Variants in SEH1L observed in about 807,000 individuals in gnomAD.
The protein encoded by SEH1L is SEH1 like nucleoporin.
Under a neutral mutation model 49.5 loss-of-function variants are expected in SEH1L, and 18 were observed. The observed-to-expected ratio is 0.36, with a 90% CI of 0.25 to 0.54. The LOEUF (loss-of-function observed/expected upper bound fraction) is 0.54. SEH1L is among the 20% of genes least tolerant of loss of function. The pLI, the probability that SEH1L is intolerant of heterozygous loss-of-function variation, is 0.87. For synonymous variants in SEH1L, 169 were observed against 178.1 expected (o/e 0.95, Z 0.41); for missense variants, 404 against 528.8 (o/e 0.76, Z 2.31).
rs982459866 is a variant in SEH1L, at chr18:12,984,168, T to C, written c.1048T>C (p.Leu350=). Residue 350 remains leucine (L), a synonymous_variant, in exon 8 of 9, where the codon TTA becomes CTA. Transcript: ENST00000399892. ...GSTIPSLQNS[L]NGSSAGRYFF... ...AACTATTCCAAGTCTTCAGAATTCA[T>C]TAAATGGATCTTCTGCTGGCAGGTA... 1 of 1,613,902 alleles carries C rather than the reference T, an allele frequency of 6.2e-7. No homozygotes were observed. Among genetic ancestry groups the C allele is most frequent in the Middle Eastern group, 1.6e-4 (1 of 6,062 alleles).
chr18:12,976,996 T>C (rs945139885), intron 5 of SEH1L: 1 of 151,814 alleles, frequency 6.6e-6, no homozygotes, highest in African/African-American at 2.4e-5. Context: ...AAAAAGCATA[T>C]TCTGATTGTG....
intron 3 of SEH1L, among the ~76,000 whole-genome samples, chr18:12,961,787 C>G (rs114151153): frequency 1.0e-3 from 156 of 152,180 alleles, no homozygotes; most frequent in African/African-American, 3.5e-3. Context: ...CTGCCTTAGC[C>G]TCTCTAGTAG....
At chr18:12,971,070 C>T in intron 4 of SEH1L, 83 bp from the exon 5 acceptor site, 1 of 934,150 alleles carries the variant, frequency 1.1e-6, no homozygotes, top group Non-Finnish European at 1.7e-6. Flanking sequence ...AGCTGGTTGT[C>T]TGCTTGCCTC....
chr18:12,949,584 C>T (rs988088535), intron 1 of SEH1L, among the ~76,000 whole-genome samples: 4 of 150,542 alleles, frequency 2.7e-5, no homozygotes, highest in Admixed American at 6.7e-5. Context: ...TCCCAAGTAG[C>T]TGGGACTACA....
intron 6 of SEH1L, among the ~76,000 whole-genome samples, chr18:12,980,377 C>T (rs1255723574): frequency 7.0e-5 from 8 of 113,798 alleles, no homozygotes; most frequent in Admixed American, 1.6e-4. Context: ...GGGGCTGACC[C>T]CCCCACCTCC....
chr18:12,982,398 T>C, intron 6 of SEH1L, 120 bp from the exon 7 acceptor site: 3 of 654,730 alleles, frequency 4.6e-6, no homozygotes, highest in Non-Finnish European at 7.5e-6. Context: ...TAAAGTGATG[T>C]GGTGGCGAGA....
In SEH1L at chr18:12,955,530, G is replaced by C. The variant is rs1192797989; in HGVS notation, c.230G>C (p.Cys77Ser). ...GAATTTGGGCAGGTTTTGGCTTCCT[G>C]TTCTTTTGACCGAACAGCTGCTGTA... ...HPEFGQVLAS[C>S]SFDRTAAVWE... is the part of the protein sequence containing the mutation. Residue 77 changes from cysteine to serine, a missense_variant, in exon 3 of 9, where the codon TGT becomes TCT. Transcript: ENST00000399892. The C allele has an allele frequency of 1.9e-6, 3 of 1,613,518 alleles. No individual in the cohort carries two copies. Among genetic ancestry groups the C allele is most frequent in the East Asian group, 4.5e-5 (2 of 44,870 alleles).
At chr18:12,956,454 CA>C (rs10541594) in intron 3 of SEH1L, among the ~76,000 whole-genome samples, 82,206 of 138,028 alleles carry the variant, frequency 0.6, 23,734 homozygotes, top group Middle Eastern at 0.71. Context: ...TCTGGGGAAT[CA>C]AAAAAAAAAA....
intron 4 of SEH1L, among the ~76,000 whole-genome samples, chr18:12,963,719 G>C (rs1042847831): frequency 2.6e-5 from 4 of 152,226 alleles, no homozygotes; most frequent in Non-Finnish European, 5.9e-5. Flanking sequence ...TTGATTGATT[G>C]ATTGGTTGAT....
Position 12,961,540 on chromosome 18 carries a change from G to A in SEH1L, c.310-1620G>A, listed in dbSNP as rs114658754. Among the ~76,000 whole-genome samples the A allele has an allele frequency of 1.3e-3, 202 of 152,292 alleles. 1 individual carries two copies. Among genetic ancestry groups the A allele is most frequent in the African/African-American group, 4.6e-3 (193 of 41,538 alleles). Reference sequence around the variant, plus strand: ...GTGTTTGTATTAATTATTCAGTGGTGTCTGTAGACAAAAGTTTGCTAAGAT... The same window carrying A: ...GTGTTTGTATTAATTATTCAGTGGTATCTGTAGACAAAAGTTTGCTAAGAT... On this transcript the variant is annotated intron_variant, in intron 3 of 8. Coordinates refer to ENST00000399892, the MANE Select transcript of SEH1L (RefSeq NM_001013437.2).
chr18:12,973,602 G>A (rs1419177528), intron 5 of SEH1L: 1 of 152,148 alleles, frequency 6.6e-6, no homozygotes, highest in South Asian at 2.1e-4. Context: ...GGCCGGCCTA[G>A]AAATTACCTA....
intron 5 of SEH1L, chr18:12,976,783 T>C (rs2031941216): frequency 6.6e-6 from 1 of 151,862 alleles, no homozygotes; most frequent in Non-Finnish European, 1.5e-5. Flanking sequence ...GCTAACATGG[T>C]GAAACCCTGT....
chr18:12,958,107 A>C (rs1217886258), intron 3 of SEH1L, among the ~76,000 whole-genome samples: 1 of 62,438 alleles, frequency 1.6e-5, no homozygotes, highest in East Asian at 5.4e-4. Flanking sequence ...TTTTTGAGAC[A>C]GAGTCTTGTT....
Position 12,948,085 on chromosome 18 carries a change from C to G in SEH1L, c.-37C>G, listed in dbSNP as rs768928236. On this transcript the variant is annotated 5_prime_UTR_variant, in exon 1 of 9. Transcript: ENST00000399892. ...CACGCGCCGCCGCCGCTGCCGCCGC[C>G]ACTGTCCTCTTCGGAGGCGCGGGCC... The G allele has an allele frequency of 2.0e-6, 3 of 1,534,212 alleles. No individual in the cohort carries two copies. In the South Asian group the frequency reaches 3.4e-5, roughly 17 times the overall value.
chr18:12,962,065 T>C (rs2031201739), intron 3 of SEH1L, among the ~76,000 whole-genome samples: 1 of 152,196 alleles, frequency 6.6e-6, no homozygotes, highest in Non-Finnish European at 1.5e-5. Flanking sequence ...GCTTGCTTTC[T>C]ACCATTCTTT....
At chr18:12,957,495 GT>G (rs965904108) in intron 3 of SEH1L, among the ~76,000 whole-genome samples, 4 of 152,052 alleles carry the variant, frequency 2.6e-5, no homozygotes, top group Admixed American at 6.6e-5. Context: ...CTTATTGGAT[GT>G]TTGAATTTGG....
At chr18:12,986,053 T>G (rs2032445174) in intron 8 of SEH1L, 2 of 981,310 alleles carry the variant, frequency 2.0e-6, no homozygotes, top group South Asian at 4.7e-5. Context: ...AAATCAAAAT[T>G]TGGACACACA....
chr18:12,965,091 G>T (rs1271290436), intron 4 of SEH1L, among the ~76,000 whole-genome samples: 4 of 113,976 alleles, frequency 3.5e-5, no homozygotes, highest in Non-Finnish European at 4.9e-5. Flanking sequence ...TAGGCTCACT[G>T]CAAGCTCCGC....
At chr18:12,972,392 A>T (rs896678077) in intron 5 of SEH1L, 2 of 152,208 alleles carry the variant, frequency 1.3e-5, no homozygotes, top group Non-Finnish European at 2.9e-5. Context: ...GTGTGGCAGC[A>T]TGTGAAGGTA....
Sources: allele counts gnomAD v4.1 joint callset (sites outside exome capture counted in the v4.1 genomes callset), GRCh38; gene constraint gnomAD v4.1.1; transcripts MANE v1.5; gene names NCBI Gene and HGNC (gene_info 2026-07-23, HGNC 2026-07-21).